The following ABCB10 variants were observed in gnomAD, a reference collection of about 807,000 sequenced individuals.
The protein encoded by ABCB10 is ATP binding cassette subfamily B member 10, also known as ATP-binding cassette sub-family B member 10, mitochondrial.
A neutral mutation model predicts 65.4 loss-of-function variants in ABCB10; 54 were observed. The ratio of observed to expected loss-of-function variants is 0.83; its 90% confidence interval spans 0.66 to 1.04. The LOEUF is 1.04. ABCB10 is among the 50% of genes least tolerant of loss of function. The probability of loss-of-function intolerance (pLI) is 0.00; values close to 1 mark genes in which losing one functional copy is unlikely to be tolerated. For missense variants in ABCB10, 846 were observed against 976.6 expected, an observed-to-expected ratio of 0.87 and a Z score of 1.78; for synonymous variants, 418 against 406.5, an observed-to-expected ratio of 1.03 and a Z score of -0.34.
intron 1 of ABCB10, among the ~76,000 whole-genome samples, chr1:229,552,575 C>T (rs781031363): frequency 6.6e-6 from 1 of 152,158 alleles, no homozygotes; most frequent in Non-Finnish European, 1.5e-5. Flanking sequence ...TGGACAACAG[C>T]GCTGGATAGA....
At chr1:229,525,854 A>C (rs775469229) in intron 10 of ABCB10, 82 bp downstream of exon 10, 90 of 1,495,556 alleles carry the variant, frequency 6.0e-5, no homozygotes, top group Non-Finnish European at 8.0e-5. Context: ...CAAAAACAAA[A>C]CAAACAAACA....
chr1:229,538,155 G>T (rs1423386703), intron 6 of ABCB10, among the ~76,000 whole-genome samples: 1 of 152,176 alleles, frequency 6.6e-6, no homozygotes, highest in Non-Finnish European at 1.5e-5. Context: ...TATAGCAATG[G>T]ATTAGAACTG....
chr1:229,558,661 G>A lies in ABCB10; in HGVS notation c.-9C>T, dbSNP rs1381060733. ...GCAGGGGGGCCTCGCATGGCGCTGCGTGCGACCCGTACGCCTCAGCCCGCC... is the reference window on the plus strand; with the variant it reads ...GCAGGGGGGCCTCGCATGGCGCTGCATGCGACCCGTACGCCTCAGCCCGCC... On this transcript the variant is annotated 5_prime_UTR_variant, in exon 1 of 13. The change creates a new upstream start codon in the 5' untranslated region. Transcript: ENST00000344517. 3.0e-6 allele frequency: 4 copies of A among 1,320,070 alleles called. No homozygotes were observed. The highest frequency in any genetic ancestry group is 3.8e-5 in the South Asian group (2 of 53,280). The allele number at this position is 1,320,070 out of a possible 1,614,324, so 81.8% of individuals were successfully genotyped here.
In ABCB10 at chr1:229,527,221, CTT is replaced by C; in HGVS notation, c.1725+6_1725+7del. On this transcript the variant is annotated splice_donor_region_variant and intron_variant, in intron 9 of 12. Transcript: ENST00000344517. ...AAGTGAAATAGAAATGGAAGCCTCT[CTT>C]CTTACCTGACTCACTGTCCCAATTT... 1 of 1,611,260 alleles carries C rather than the reference CTT, an allele frequency of 6.2e-7. No homozygotes were observed. Among genetic ancestry groups the C allele is most frequent in the East Asian group, 2.2e-5 (1 of 44,852 alleles).
At chr1:229,531,841 T>A in intron 6 of ABCB10, 110 bp from the exon 7 acceptor site, 1 of 813,818 alleles carries the variant, frequency 1.2e-6, no homozygotes. Flanking sequence ...AATCTGTTAT[T>A]AATATTTTCA....
At chr1:229,545,727 GA>G (rs758297789) in intron 3 of ABCB10, among the ~76,000 whole-genome samples, 90 of 152,282 alleles carry the variant, frequency 5.9e-4, no homozygotes, top group Non-Finnish European at 1.2e-3. Context: ...ACCAGATTTG[GA>G]AATTCAGTTG....
In ABCB10 at chr1:229,542,305, C is replaced by A; in HGVS notation, c.988G>T (p.Val330Leu). 1 of 1,614,024 alleles carries A rather than the reference C, an allele frequency of 6.2e-7. No individual in the cohort carries two copies. The highest frequency in any genetic ancestry group is 8.5e-7 in the Non-Finnish European group (1 of 1,180,004). Residue 330 changes from valine (V) to leucine (L), a missense_variant, in exon 4 of 13, where the codon GTA (valine) becomes TTA (leucine). Physicochemically the swap from Val to Leu is conservative, Grantham distance 32. Transcript: ENST00000344517. The part of the protein sequence containing the change: ...SVVPPVSIIA[V>L]IYGRYLRKLT... The stretch of plus-strand genomic sequence containing the variant: ...TTCCGTAGATATCGCCCATAAATTA[C>A]AGCAATGATTGACACTGGAGGCACC...
intron 3 of ABCB10, among the ~76,000 whole-genome samples, chr1:229,545,320 G>C (rs867594252): frequency 2.6e-5 from 4 of 152,132 alleles, no homozygotes; most frequent in African/African-American, 9.7e-5. Flanking sequence ...TTTTCATTCC[G>C]TAAGTCAGAT....
chr1:229,522,851 CT>C (rs1662348878), intron 10 of ABCB10, among the ~76,000 whole-genome samples: 2 of 151,864 alleles, frequency 1.3e-5, no homozygotes, highest in Admixed American at 6.6e-5. Flanking sequence ...TATAGCAATT[CT>C]TTTTTTATTT....
At chr1:229,552,159 T>C (rs1428056002) in intron 1 of ABCB10, among the ~76,000 whole-genome samples, 4 of 152,258 alleles carry the variant, frequency 2.6e-5, no homozygotes, top group Non-Finnish European at 5.9e-5. Context: ...GCTTGTTTTA[T>C]TGTCATTTGC....
chr1:229,524,506 G>GAA (rs34572391), intron 10 of ABCB10, among the ~76,000 whole-genome samples: 3 of 147,408 alleles, frequency 2.0e-5, no homozygotes, highest in Admixed American at 6.7e-5. Flanking sequence ...TATTTGTATT[G>GAA]AAAAAAAAAA....
intron 1 of ABCB10, among the ~76,000 whole-genome samples, chr1:229,550,693 A>T (rs1663087630): frequency 6.7e-6 from 1 of 148,940 alleles, no homozygotes; most frequent in South Asian, 2.1e-4. Context: ...TCTCTACTAA[A>T]AAAAAAAAAA....
At position 229,541,954 on chromosome 1, in the gene ABCB10, A is replaced by T. The variant is rs532935671; in HGVS notation, c.1056+283T>A. On this transcript the variant is annotated intron_variant, in intron 4 of 12. Coordinates refer to ENST00000344517, the MANE Select transcript of ABCB10 (RefSeq NM_012089.3). The stretch of plus-strand genomic sequence containing the variant: ...ACTTTTCTCATGTACCTTGTCTCAA[A>T]AAAAAAAAACAAAAAAAAAAAGAAA... Among the ~76,000 whole-genome samples, 15 of 151,304 alleles carry T rather than the reference A, an allele frequency of 9.9e-5. 1 individual carries two copies. The East Asian group carries it at 2.9e-3, about 29-fold the overall frequency.
chr1:229,532,850 T>C (rs72751739), intron 6 of ABCB10, among the ~76,000 whole-genome samples: 1 of 152,312 alleles, frequency 6.6e-6, no homozygotes, highest in Non-Finnish European at 1.5e-5. Context: ...CACTGCACTC[T>C]GGCAGCACTC....
rs1330496799 is a variant in ABCB10, at chr1:229,546,209, C to G, written c.921+1290G>C. Among the ~76,000 whole-genome samples the G allele has an allele frequency of 2.6e-5, 4 of 150,944 alleles. No individual in the cohort carries two copies. In the South Asian group the frequency reaches 8.3e-4, roughly 31 times the overall value. The stretch of plus-strand genomic sequence containing the variant: ...AAAAAGCTTTTATGATGATCCACTT[C>G]CACTTAATAAATAATAAATATATTT... On this transcript the variant is annotated intron_variant, in intron 3 of 12. Transcript: ENST00000344517.
rs6700197 is a variant in ABCB10 at position 229,525,788 on chromosome 1, C to T, written c.1906+148G>A. ...AGGAGCTTGCAGAGAGCCGAGATTGCGCCACTGCCACTGCACTCCAGCCTG... is the reference window on the plus strand; with the variant it reads ...AGGAGCTTGCAGAGAGCCGAGATTGTGCCACTGCCACTGCACTCCAGCCTG... On this transcript the variant is annotated intron_variant, in intron 10 of 12. Coordinates refer to ENST00000344517, the MANE Select transcript of ABCB10 (RefSeq NM_012089.3). 1,350 of 903,930 alleles carry T rather than the reference C, an allele frequency of 1.5e-3. 11 individuals are homozygous for T. In the African/African-American group the frequency reaches 0.019, roughly 13 times the overall value. 56.0% of individuals were successfully genotyped at this position (903,930 alleles called of 1,614,324 possible). A position where few individuals can be genotyped will look rare whatever the true frequency, so the allele number is the denominator to read the frequency against.
intron 10 of ABCB10, among the ~76,000 whole-genome samples, chr1:229,524,239 C>A (rs576206893): frequency 6.6e-6 from 1 of 151,950 alleles, no homozygotes; most frequent in South Asian, 2.1e-4. Context: ...CAGCTCACTG[C>A]AACCTCTGCC....
chr1:229,524,878 G>C (rs1662398501), intron 10 of ABCB10, among the ~76,000 whole-genome samples: 1 of 151,378 alleles, frequency 6.6e-6, no homozygotes, highest in South Asian at 2.1e-4. Context: ...TTTTGGGACA[G>C]AGTCTCATTC....
chr1:229,531,597 AT>A, intron 7 of ABCB10, 38 bp downstream of exon 7: 7 of 1,589,036 alleles, frequency 4.4e-6, no homozygotes, highest in Non-Finnish European at 6.0e-6. Context: ...TCAAAGCCAC[AT>A]TTGTTAATCC....
Sources: gnomAD v4.1 joint callset for allele counts (sites outside exome capture counted in the v4.1 genomes callset) on GRCh38, gnomAD v4.1.1 for gene constraint, MANE v1.5 for transcripts, NCBI Gene and HGNC (gene_info 2026-07-23, HGNC 2026-07-21) for gene names.